Variants in CTNNA3 observed in about 807,000 individuals in gnomAD.
The protein encoded by CTNNA3 is catenin alpha 3.
A neutral mutation model predicts 95.7 loss-of-function variants in CTNNA3; 76 were observed. The ratio of observed to expected loss-of-function variants is 0.79; its 90% confidence interval spans 0.66 to 0.96. The LOEUF (loss-of-function observed/expected upper bound fraction) is 0.96. Among genes scored for constraint, CTNNA3 ranks in the 40% least tolerant of loss-of-function variants. CTNNA3 has a pLI of 0.00. For missense variants in CTNNA3, 1,191 were observed against 1,089.8 expected, an observed-to-expected ratio of 1.09 and a Z score of -1.31; for synonymous variants, 431 against 374.4, an observed-to-expected ratio of 1.15 and a Z score of -1.74.
At chr10:67,309,964 A>G (rs1840719598) in intron 5 of CTNNA3, among the ~76,000 whole-genome samples, 1 of 152,206 alleles carries the variant, frequency 6.6e-6, no homozygotes, top group Non-Finnish European at 1.5e-5. Flanking sequence ...GCAACTAAAT[A>G]GATGTTTCTA....
chr10:66,425,320 A>G (rs2093230474), intron 11 of CTNNA3, among the ~76,000 whole-genome samples: 1 of 151,944 alleles, frequency 6.6e-6, no homozygotes, highest in African/African-American at 2.4e-5. Flanking sequence ...TACAATGAGT[A>G]TGATTATTGA....
chr10:67,229,057 C>T (rs1468740642), intron 5 of CTNNA3, among the ~76,000 whole-genome samples: 2 of 152,016 alleles, frequency 1.3e-5, no homozygotes, highest in Admixed American at 1.3e-4. Flanking sequence ...AATATAGATG[C>T]TAAAATCCTT....
chr10:66,510,045 C>T (rs560645940), intron 11 of CTNNA3, among the ~76,000 whole-genome samples: 1 of 151,924 alleles, frequency 6.6e-6, no homozygotes, highest in East Asian at 1.9e-4. Flanking sequence ...GAATGTTTTT[C>T]AATTTCTTTT....
At position 67,134,052 on chromosome 10, in the gene CTNNA3, C is replaced by T. The variant is rs961658921; in HGVS notation, c.1047+46265G>A. 3.9e-5 allele frequency among the ~76,000 whole-genome samples: 6 copies of T among 152,092 alleles called. No homozygotes were observed. The East Asian group carries it at 1.2e-3, about 29-fold the overall frequency. On this transcript the variant is annotated intron_variant, in intron 7 of 17. Transcript: ENST00000433211. ...GTTACATGATTTGCCCAATGTTACA[C>T]AGTTAGTCAGTAGCCGAACTGGGAT...
At chr10:67,610,798 T>C (rs1161483179) in intron 2 of CTNNA3, among the ~76,000 whole-genome samples, 3 of 152,252 alleles carry the variant, frequency 2.0e-5, no homozygotes, top group African/African-American at 7.2e-5. Flanking sequence ...ATGATTCTAA[T>C]GTAGGGTTTA....
chr10:66,228,341 A>T (rs1260278698), intron 13 of CTNNA3, among the ~76,000 whole-genome samples: 1 of 151,714 alleles, frequency 6.6e-6, no homozygotes, highest in Non-Finnish European at 1.5e-5. Context: ...GCTGTATCTC[A>T]CAGGTTTTGG....
At chr10:67,673,364 C>A (rs1334655210) in intron 1 of CTNNA3, among the ~76,000 whole-genome samples, 2 of 148,446 alleles carry the variant, frequency 1.3e-5, no homozygotes, top group African/African-American at 2.5e-5. Context: ...CCTTCTCCTG[C>A]CTAATTGCCC....
At chr10:67,186,975 G>A (rs78120051) in intron 6 of CTNNA3, among the ~76,000 whole-genome samples, 12,875 of 152,108 alleles carry the variant, frequency 0.085, 611 homozygotes, top group South Asian at 0.2. Flanking sequence ...GAATCCTGGC[G>A]CATAGCTATA....
chr10:66,000,406 A>T (rs534726888), intron 15 of CTNNA3, among the ~76,000 whole-genome samples: 3 of 152,200 alleles, frequency 2.0e-5, no homozygotes, highest in Non-Finnish European at 4.4e-5. Context: ...AAAACAAAAA[A>T]TACCAAATGT....
rs1554849046 is a variant in CTNNA3 at position 67,524,419 on chromosome 10, AAG to A, written c.460-2460_460-2459del. 7.6e-3 allele frequency among the ~76,000 whole-genome samples: 1,075 copies of A among 141,956 alleles called. 29 individuals carry two copies. Among genetic ancestry groups the A allele is most frequent in the African/African-American group, 0.018 (688 of 37,496 alleles). The allele number at this position is 141,956 out of a possible 152,430, so 93.1% of individuals were successfully genotyped here. A position where few individuals can be genotyped will look rare whatever the true frequency, so the allele number is the denominator to read the frequency against. On this transcript the variant is annotated intron_variant, in intron 4 of 17. Coordinates refer to ENST00000433211, the MANE Select transcript of CTNNA3 (RefSeq NM_013266.4). ...TCAAAAAAAAAAAAAAAAAAAAAAA[AAG>A]AGTGTTCAAAATAAGAAACACAGAA...
intron 7 of CTNNA3, among the ~76,000 whole-genome samples, chr10:67,166,865 G>C (rs886368770): frequency 6.6e-5 from 10 of 152,172 alleles, no homozygotes; most frequent in African/African-American, 2.2e-4. Context: ...CCAGAACTCT[G>C]GGAGGCCGAG....
intron 10 of CTNNA3, among the ~76,000 whole-genome samples, chr10:66,612,119 T>A (rs1233283148): frequency 6.6e-6 from 1 of 152,128 alleles, no homozygotes; most frequent in Non-Finnish European, 1.5e-5. Context: ...TCAAATTCAT[T>A]CCCTTTCACC....
chr10:66,092,782 AG>A (rs544914016), intron 14 of CTNNA3, among the ~76,000 whole-genome samples: 100 of 152,116 alleles, frequency 6.6e-4, no homozygotes, highest in African/African-American at 2.4e-3. Flanking sequence ...AGAGAGATTT[AG>A]GCTTAAATCA....
chr10:67,424,803 GTTGTCAATCT>G (rs973164688), intron 5 of CTNNA3, among the ~76,000 whole-genome samples: 6 of 152,178 alleles, frequency 3.9e-5, no homozygotes, highest in Non-Finnish European at 2.9e-5. Context: ...GTTTGATGAT[GTTGTCAATCT>G]TTGTTACCCA....
At chr10:67,253,266 C>G (rs902618928) in intron 5 of CTNNA3, among the ~76,000 whole-genome samples, 1 of 152,166 alleles carries the variant, frequency 6.6e-6, no homozygotes, top group Non-Finnish European at 1.5e-5. Flanking sequence ...TCATTCACAT[C>G]TCAGCAGGAC....
chr10:66,795,279 T>C (rs1841142743), intron 7 of CTNNA3, among the ~76,000 whole-genome samples: 1 of 152,156 alleles, frequency 6.6e-6, no homozygotes, highest in Admixed American at 6.6e-5. Context: ...TCAAAATTAC[T>C]CCTTGATCCA....
intron 1 of CTNNA3, among the ~76,000 whole-genome samples, chr10:67,674,060 A>C (rs1840491989): frequency 6.6e-6 from 1 of 151,794 alleles, no homozygotes; most frequent in African/African-American, 2.4e-5. Context: ...CCTCTGGTGT[A>C]TACATTCTGT....
At chr10:66,404,724 GT>G (rs2093044326) in intron 11 of CTNNA3, among the ~76,000 whole-genome samples, 2 of 151,904 alleles carry the variant, frequency 1.3e-5, no homozygotes. Flanking sequence ...TTTGAATGTG[GT>G]GTAGTTCAAC....
At chr10:67,339,877 G>T (rs181572097) in intron 5 of CTNNA3, among the ~76,000 whole-genome samples, 1 of 152,198 alleles carries the variant, frequency 6.6e-6, no homozygotes, top group East Asian at 1.9e-4. Context: ...TGTTCAGTTG[G>T]AATATGATGT....
Sources: gnomAD v4.1 joint callset for allele counts (sites outside exome capture counted in the v4.1 genomes callset) on GRCh38, gnomAD v4.1.1 for gene constraint, MANE v1.5 for transcripts, NCBI Gene and HGNC (gene_info 2026-07-23, HGNC 2026-07-21) for gene names.